PCNX1: variants seen among roughly 807,000 people sequenced by gnomAD.
PCNX1 encodes the protein pecanex-like protein 1.
Under a neutral mutation model 242.2 loss-of-function variants are expected in PCNX1, and 78 were observed. The ratio of observed to expected loss-of-function variants is 0.32; its 90% CI spans 0.27 to 0.39. PCNX1 has a LOEUF of 0.39. PCNX1 is among the 10% of genes least tolerant of loss of function. PCNX1 has a pLI of 1.00. For synonymous variants in PCNX1, 1,024 were observed against 1,032.9 expected, an observed-to-expected ratio of 0.99 and a Z score of 0.17; for missense variants, 2,581 against 2,856.5, an observed-to-expected ratio of 0.90 and a Z score of 2.20.
chr14:70,909,490 A>G (rs1313593884), intron 1 of PCNX1, among the ~76,000 whole-genome samples: 1 of 152,206 alleles, frequency 6.6e-6, no homozygotes, highest in Admixed American at 6.5e-5. Flanking sequence ...GCTGTCACAA[A>G]ATTTTCAAAG....
At chr14:71,025,420 A>G (rs541114197) in intron 13 of PCNX1, among the ~76,000 whole-genome samples, 1 of 151,952 alleles carries the variant, frequency 6.6e-6, no homozygotes, top group Non-Finnish European at 1.5e-5. Flanking sequence ...TCTTTTCTCT[A>G]TGGAGCCCCC....
intron 4 of PCNX1, among the ~76,000 whole-genome samples, 168 bp downstream of exon 4, chr14:70,968,411 C>T (rs2058445015): frequency 6.6e-6 from 1 of 152,126 alleles, no homozygotes; most frequent in African/African-American, 2.4e-5. Flanking sequence ...AAATTGTGTT[C>T]TCTTTCATCA....
intron 26 of PCNX1, among the ~76,000 whole-genome samples, chr14:71,067,132 G>A (rs2061467352): frequency 6.6e-6 from 1 of 151,846 alleles, no homozygotes; most frequent in Non-Finnish European, 1.5e-5. Flanking sequence ...CTCATAAAAT[G>A]AGTTAGTGAG....
rs2062835754 is a variant in PCNX1, at chr14:71,115,259, GTAA to G, written c.*5325_*5327del. ...GTCTGAGTGTTATTCTGAACAGCTT[GTAA>G]ATATTGTAGTTGTTTAAAATGGAAA... On this transcript the variant is annotated 3_prime_UTR_variant, in exon 36 of 36. Transcript: ENST00000304743. The G allele has an allele frequency of 6.5e-6, 1 of 152,708 alleles. No homozygotes were observed. The highest frequency in any genetic ancestry group is 1.9e-4 in the East Asian group (1 of 5,182). 9.5% of individuals were successfully genotyped at this position (152,708 alleles called of 1,614,324 possible).
Position 71,065,522 on chromosome 14 carries a change from C to G in PCNX1, c.4852+7798C>G, listed in dbSNP as rs151212431. The stretch of plus-strand genomic sequence containing the variant: ...TATTTGTAGAGTCTGGATATTAACC[C>G]TTTGTCAGATGGATAGATTGCAAAA... On this transcript the variant is annotated intron_variant, in intron 26 of 35. Transcript: ENST00000304743. Among the ~76,000 whole-genome samples, 1,156 of 152,182 alleles carry G rather than the reference C, an allele frequency of 7.6e-3. 3 individuals carry two copies. The highest frequency in any genetic ancestry group is 0.011 in the Non-Finnish European group (753 of 68,002).
At chr14:71,085,095 G>A (rs2061951510) in intron 28 of PCNX1, among the ~76,000 whole-genome samples, 1 of 152,206 alleles carries the variant, frequency 6.6e-6, no homozygotes, top group Admixed American at 6.5e-5. Flanking sequence ...GGCTAGGGGA[G>A]CAAGTTCCCC....
rs747236461 is a variant in PCNX1, at chr14:71,047,932, T to C, written c.4286T>C (p.Phe1429Ser). 24 of 1,613,210 alleles carry C rather than the reference T, an allele frequency of 1.5e-5. No individual in the cohort carries two copies. In the Admixed American group the frequency reaches 4.0e-4, roughly 27 times the overall value. ...TTTTTCAAATTTGACTATGAAGCTTTTTCAGAGACCATGCTGTTGGATCTC... is the reference window on the plus strand; with the variant it reads ...TTTTTCAAATTTGACTATGAAGCTTCTTCAGAGACCATGCTGTTGGATCTC... ...VLFFKFDYEA[F>S]SETMLLDLFF... Residue 1429 changes from phenylalanine to serine, a missense_variant, in exon 22 of 36, where the codon TTT (phenylalanine) becomes TCT (serine). Phe to Ser is a radical substitution (Grantham distance 155). Around this residue, in one of 9 missense-constraint regions of PCNX1, gnomAD observed 432 missense variants for 443.1 expected, o/e 0.97. Coordinates refer to ENST00000304743, the MANE Select transcript of PCNX1 (RefSeq NM_014982.3).
intron 5 of PCNX1, among the ~76,000 whole-genome samples, chr14:70,976,372 CTTTTTTTTTTTTTT>C (rs869087088): frequency 1.2e-5 from 1 of 82,694 alleles, no homozygotes; most frequent in African/African-American, 4.6e-5. Context: ...TTCTTTCTTT[CTTTTTTTTTTTTTT>C]TTTTGAGACA....
At chr14:70,958,728 C>G (rs1254883410) in intron 2 of PCNX1, among the ~76,000 whole-genome samples, 1 of 151,928 alleles carries the variant, frequency 6.6e-6, no homozygotes, top group East Asian at 1.9e-4. Flanking sequence ...TCAAACTAGC[C>G]TGGGTTGGGT....
chr14:71,002,181 A>T (rs750579626), intron 8 of PCNX1, among the ~76,000 whole-genome samples: 9 of 152,288 alleles, frequency 5.9e-5, no homozygotes, highest in East Asian at 1.9e-4. Flanking sequence ...CTTTCTTCTT[A>T]TATACTACTT....
chr14:71,026,109 A>G lies in PCNX1; in HGVS notation c.3184-8A>G. ...ACCAAACTGACTTTTAAAAAATATC[A>G]TTTTCAGGGTCATAATCGTATCATT... On this transcript the variant is annotated splice_polypyrimidine_tract_variant and splice_region_variant and intron_variant, in intron 13 of 35. Coordinates refer to ENST00000304743, the MANE Select transcript of PCNX1 (RefSeq NM_014982.3). 6.6e-7 allele frequency: 1 copy of G among 1,525,574 alleles called. No homozygotes were observed. The highest frequency in any genetic ancestry group is 8.9e-7 in the Non-Finnish European group (1 of 1,128,928). 94.5% of individuals were successfully genotyped at this position (1,525,574 alleles called of 1,614,324 possible).
At chr14:70,998,767 A>AG (rs1383705694) in intron 8 of PCNX1, among the ~76,000 whole-genome samples, 13 of 151,098 alleles carry the variant, frequency 8.6e-5, no homozygotes, top group African/African-American at 2.7e-4. Context: ...AAAAAAAAAA[A>AG]AAAAAGAAAA....
At position 70,977,818 on chromosome 14, in the gene PCNX1, C is replaced by A. The variant is rs1338901576; in HGVS notation, c.1481C>A (p.Pro494His). 1 of 1,614,052 alleles carries A rather than the reference C, an allele frequency of 6.2e-7. No homozygotes were observed. The highest frequency in any genetic ancestry group is 1.1e-5 in the South Asian group (1 of 91,072). ...GCATCTGAAGAAGCCAATAAAAATC[C>A]CCATGCAAATGAATTTACTTCCCAA... is the stretch of plus-strand genomic sequence containing the variant. ...TSASEEANKN[P>H]HANEFTSQGD... The change falls in exon 6 of 36, where the codon CCC (proline) becomes CAC (histidine). Residue 494 changes from proline to histidine, a missense_variant. Physicochemically the swap from Pro to His is moderately conservative, Grantham distance 77. Around this residue, in one of 9 missense-constraint regions of PCNX1, gnomAD observed 1,204 missense variants for 1,216.7 expected, o/e 0.99. Transcript: ENST00000304743.
intron 16 of PCNX1, among the ~76,000 whole-genome samples, chr14:71,033,091 GA>G (rs1566725340): frequency 6.6e-6 from 1 of 152,084 alleles, no homozygotes; most frequent in African/African-American, 2.4e-5. Context: ...CTTCCAAAAG[GA>G]ACACAGTTTA....
chr14:70,984,268 A>G (rs2058931122), intron 6 of PCNX1, among the ~76,000 whole-genome samples: 1 of 151,418 alleles, frequency 6.6e-6, no homozygotes, highest in African/African-American at 2.4e-5. Flanking sequence ...CCTCTGTCTA[A>G]ATTTTTATTA....
In PCNX1 at chr14:71,009,770, G is replaced by C. The variant is rs780573593; in HGVS notation, c.2720+46G>C. ...GGAGTGTGTGTACTTTCATATGTTT[G>C]CCATATTTAATGTTTTTAAGCCTAG... On this transcript the variant is annotated intron_variant, in intron 9 of 35. Coordinates refer to ENST00000304743, the MANE Select transcript of PCNX1 (RefSeq NM_014982.3). The C allele has an allele frequency of 2.6e-6, 3 of 1,156,934 alleles. No homozygotes were observed. In the East Asian group the frequency reaches 7.3e-5, roughly 28 times the overall value. 71.7% of individuals were successfully genotyped at this position (1,156,934 alleles called of 1,614,324 possible). A position where few individuals can be genotyped will look rare whatever the true frequency, so the allele number is the denominator to read the frequency against.
chr14:70,918,747 G>T (rs1293726520), intron 1 of PCNX1, among the ~76,000 whole-genome samples: 2 of 152,188 alleles, frequency 1.3e-5, no homozygotes, highest in South Asian at 2.1e-4. Flanking sequence ...CTAGGACTAG[G>T]TAGTGCTAAT....
intron 8 of PCNX1, among the ~76,000 whole-genome samples, chr14:71,008,043 CT>C (rs1463071687): frequency 6.6e-6 from 1 of 151,858 alleles, no homozygotes; most frequent in African/African-American, 2.4e-5. Flanking sequence ...CACAGAAAAC[CT>C]TTTTTTCCCT....
At chr14:70,910,291 T>C (rs2055839470) in intron 1 of PCNX1, among the ~76,000 whole-genome samples, 1 of 136,966 alleles carries the variant, frequency 7.3e-6, no homozygotes, top group African/African-American at 2.7e-5. Flanking sequence ...TTCGTCACCA[T>C]TCTCTCTCCT....
Sources: allele counts gnomAD v4.1 joint callset (sites outside exome capture counted in the v4.1 genomes callset), GRCh38; gene constraint gnomAD v4.1.1; regional missense constraint gnomAD v4.1.1; transcripts MANE v1.5; gene names NCBI Gene and HGNC (gene_info 2026-07-23, HGNC 2026-07-21).